The following FAM168B variants were observed in gnomAD, a reference collection of about 807,000 sequenced individuals.
FAM168B encodes the protein family with sequence similarity 168 member B.
In FAM168B, 19 loss-of-function variants were observed where a neutral mutation model predicts 21.8. The ratio of observed to expected loss-of-function variants is 0.87; its 90% CI spans 0.61 to 1.28. The LOEUF (loss-of-function observed/expected upper bound fraction) is 1.28, where lower values mean the gene tolerates loss of function less well. Among genes scored for constraint, FAM168B ranks in the 50% most tolerant of loss-of-function variants. The pLI is 0.00. For synonymous variants in FAM168B, 126 were observed against 104.8 expected, an observed-to-expected ratio of 1.20 and a Z score of -1.24; for missense variants, 233 against 263.1, an observed-to-expected ratio of 0.89 and a Z score of 0.79.
chr2:131,083,502 T>C (rs1461741795), intron 1 of FAM168B, among the ~76,000 whole-genome samples: 1 of 152,098 alleles, frequency 6.6e-6, no homozygotes, highest in African/African-American at 2.4e-5. Context: ...GCTCATGCCA[T>C]TGCACTCCAA....
rs1261193891 is a variant in FAM168B, at chr2:131,051,884, A to G, written c.*581T>C. ...CCAAACCTCGCAACTCCCTCCCAGG[A>G]CAGTCAGTGCCAAAGAAACAGGTCG... is the stretch of plus-strand genomic sequence containing the variant. On this transcript the variant is annotated 3_prime_UTR_variant, in exon 7 of 7. Coordinates refer to ENST00000389915, the MANE Select transcript of FAM168B (RefSeq NM_001009993.4). 2 of 985,362 alleles carry G rather than the reference A, an allele frequency of 2.0e-6. No homozygotes were observed. The highest frequency in any genetic ancestry group is 2.4e-6 in the Non-Finnish European group (2 of 829,962). The allele number at this position is 985,362 out of a possible 1,614,324, so 61.0% of individuals were successfully genotyped here.
chr2:131,052,570 T>A (rs1691747265), intron 6 of FAM168B, 118 bp from the exon 7 acceptor site: 5 of 842,996 alleles, frequency 5.9e-6, no homozygotes. Context: ...GCAAAACTGC[T>A]GGACCTGGTT....
intron 3 of FAM168B, among the ~76,000 whole-genome samples, chr2:131,062,936 A>C (rs1368831849): frequency 6.6e-6 from 1 of 152,260 alleles, no homozygotes; most frequent in Non-Finnish European, 1.5e-5. Flanking sequence ...AATGATGTGC[A>C]TGCTCAAGTT....
At chr2:131,063,475 A>G (rs1417966942) in intron 3 of FAM168B, among the ~76,000 whole-genome samples, 1 of 152,222 alleles carries the variant, frequency 6.6e-6, no homozygotes, top group African/African-American at 2.4e-5. Flanking sequence ...AGGTCTCCCT[A>G]TCAATTTAAG....
chr2:131,085,803 A>C (rs1014514897), intron 1 of FAM168B, among the ~76,000 whole-genome samples: 12 of 152,246 alleles, frequency 7.9e-5, no homozygotes, highest in Non-Finnish European at 1.3e-4. Flanking sequence ...ACCAGCACTG[A>C]CCAACAAAAC....
Sources: allele counts gnomAD v4.1 joint callset (sites outside exome capture counted in the v4.1 genomes callset), GRCh38; gene constraint gnomAD v4.1.1; transcripts MANE v1.5; gene names NCBI Gene and HGNC (gene_info 2026-07-23, HGNC 2026-07-21).